Variants in RAD51B observed in about 807,000 individuals in gnomAD.
RAD51B encodes the protein DNA repair protein RAD51 homolog 2.
In RAD51B, 38 loss-of-function variants were observed where a neutral mutation model predicts 42.2. That is an observed-to-expected ratio of 0.90 (90% CI 0.70 to 1.18). RAD51B has a LOEUF of 1.18. Among genes scored for constraint, RAD51B ranks in the 50% most tolerant of loss-of-function variants. The pLI is 0.00. For synonymous variants in RAD51B, 154 were observed against 145.2 expected (o/e 1.06, Z -0.43); for missense variants, 373 against 400.7 (o/e 0.93, Z 0.59).
intron 10 of RAD51B, among the ~76,000 whole-genome samples, chr14:68,470,215 A>C (rs982535917): frequency 3.3e-5 from 5 of 152,224 alleles, no homozygotes; most frequent in Admixed American, 6.5e-5. Context: ...ATGCTTGGTT[A>C]GGAGACCTCA....
At chr14:68,550,794 CA>C (rs1888515152) in intron 10 of RAD51B, among the ~76,000 whole-genome samples, 1 of 152,108 alleles carries the variant, frequency 6.6e-6, no homozygotes. Flanking sequence ...TCTAGAAAGG[CA>C]GGGGTGGGGG....
At chr14:68,262,383 TC>T (rs1317560518) in intron 7 of RAD51B, among the ~76,000 whole-genome samples, 1 of 152,180 alleles carries the variant, frequency 6.6e-6, no homozygotes, top group Non-Finnish European at 1.5e-5. Flanking sequence ...GGCATTCCCT[TC>T]CCCTCTTCTC....
downstream of RAD51B, among the ~76,000 whole-genome samples, chr14:68,613,352 A>G (rs138616842): frequency 1.0e-2 from 1,513 of 151,740 alleles, 19 homozygotes; most frequent in African/African-American, 0.034. Context: ...CAGGAGGTGG[A>G]GGTTGCAGTG....
intron 7 of RAD51B, among the ~76,000 whole-genome samples, chr14:67,977,191 A>T (rs1460862217): frequency 6.6e-6 from 1 of 152,226 alleles, no homozygotes; most frequent in Non-Finnish European, 1.5e-5. Context: ...ATTTTCTGAC[A>T]GCAAAATCCT....
intron 7 of RAD51B, among the ~76,000 whole-genome samples, chr14:68,218,656 A>G (rs1476871890): frequency 1.3e-5 from 2 of 152,272 alleles, no homozygotes; most frequent in Non-Finnish European, 2.9e-5. Context: ...TTTAGAGATG[A>G]AAAACACATA....
At chr14:68,169,218 G>A (rs1316718923) in intron 7 of RAD51B, among the ~76,000 whole-genome samples, 2 of 152,032 alleles carry the variant, frequency 1.3e-5, no homozygotes, top group Non-Finnish European at 2.9e-5. Flanking sequence ...TGCTACCCTG[G>A]GAGAAGCATG....
At chr14:67,937,880 G>C (rs1480114450) in intron 7 of RAD51B, among the ~76,000 whole-genome samples, 1 of 152,150 alleles carries the variant, frequency 6.6e-6, no homozygotes, top group East Asian at 1.9e-4. Flanking sequence ...GCAAGTTACA[G>C]GCACAGGTAA....
intron 11 of RAD51B, among the ~76,000 whole-genome samples, chr14:68,655,155 G>C (rs1892785987): frequency 6.6e-6 from 1 of 151,240 alleles, no homozygotes; most frequent in Non-Finnish European, 1.5e-5. Flanking sequence ...GTGTGTGTAT[G>C]TGTGTGCGCC....
intron 7 of RAD51B, among the ~76,000 whole-genome samples, chr14:68,189,819 C>T (rs1403050137): frequency 6.6e-6 from 1 of 152,030 alleles, no homozygotes; most frequent in Non-Finnish European, 1.5e-5. Flanking sequence ...GCACCCACCA[C>T]CATGCCCGAC....
intron 7 of RAD51B, among the ~76,000 whole-genome samples, chr14:67,915,620 A>C (rs917733991): frequency 3.9e-5 from 6 of 152,152 alleles, no homozygotes; most frequent in Admixed American, 3.9e-4. Flanking sequence ...CTTTAAAGAC[A>C]CTTGAAAGGG....
chr14:68,139,624 G>C (rs2078083189), intron 7 of RAD51B, among the ~76,000 whole-genome samples: 1 of 152,204 alleles, frequency 6.6e-6, no homozygotes. Context: ...TCTTAGCAGA[G>C]TACTTGATTC....
downstream of RAD51B, among the ~76,000 whole-genome samples, chr14:68,479,410 A>G (rs902177781): frequency 3.3e-5 from 5 of 152,124 alleles, no homozygotes; most frequent in Non-Finnish European, 7.4e-5. Context: ...CCTCTCCTGA[A>G]GCAGGTTGTA....
intron 10 of RAD51B, among the ~76,000 whole-genome samples, chr14:68,619,791 C>G (rs1465179079): frequency 6.6e-6 from 1 of 152,228 alleles, no homozygotes; most frequent in Non-Finnish European, 1.5e-5. Context: ...TGTGAAAACC[C>G]ATTAAACGTA....
chr14:68,083,065 A>G (rs1028918744), intron 7 of RAD51B, among the ~76,000 whole-genome samples: 1 of 152,184 alleles, frequency 6.6e-6, no homozygotes, highest in African/African-American at 2.4e-5. Context: ...CTGTGATTTC[A>G]GTTATTGTGA....
chr14:67,846,790 TCTC>T (rs1189923654), intron 4 of RAD51B, among the ~76,000 whole-genome samples: 4 of 152,224 alleles, frequency 2.6e-5, no homozygotes, highest in African/African-American at 4.8e-5. Flanking sequence ...ATTTGACAGT[TCTC>T]CTAAGGCTAA....
At chr14:68,628,758 T>A (rs532704654) in intron 10 of RAD51B, among the ~76,000 whole-genome samples, 2 of 152,100 alleles carry the variant, frequency 1.3e-5, no homozygotes, top group East Asian at 3.9e-4. Context: ...AAGTAAACAT[T>A]GGAAAGTGGG....
At chr14:68,402,856 G>A (rs904660415) in intron 8 of RAD51B, among the ~76,000 whole-genome samples, 1 of 152,172 alleles carries the variant, frequency 6.6e-6, no homozygotes, top group Admixed American at 6.5e-5. Flanking sequence ...CATGGATGAG[G>A]AAACTGAGGC....
chr14:68,279,674 A>AT lies in RAD51B; in HGVS notation c.757-12202dup, dbSNP rs1257779345. 5.3e-5 allele frequency among the ~76,000 whole-genome samples: 8 copies of AT among 152,068 alleles called. No homozygotes were observed. In the South Asian group the frequency reaches 8.3e-4, roughly 16 times the overall value. On this transcript the variant is annotated intron_variant, in intron 7 of 10. Coordinates refer to ENST00000471583, the MANE Select transcript of RAD51B (RefSeq NM_133510.4). ...TTCCCAAATATATTAAGAATTAATT[A>AT]TTTTTTTTCTTATTTAGCACTACCA... is the stretch of plus-strand genomic sequence containing the variant.
rs115264872 is a variant in RAD51B at position 68,582,568 on chromosome 14, G to A, written c.1037-11917G>A. ...TACACTGTTGATGGGAGTATAATTC[G>A]TCCAACCATTGTGGAAGACAGTGTG... On this transcript the variant is annotated intron_variant, in intron 10 of 10. Coordinates refer to the RAD51B transcript ENST00000487270. Among the ~76,000 whole-genome samples, 373 of 152,262 alleles carry A rather than the reference G, an allele frequency of 2.4e-3. 2 individuals are homozygous for A. Among genetic ancestry groups the A allele is most frequent in the African/African-American group, 8.6e-3 (359 of 41,568 alleles).
Sources: gnomAD v4.1 joint callset for allele counts (sites outside exome capture counted in the v4.1 genomes callset) on GRCh38, gnomAD v4.1.1 for gene constraint, MANE v1.5 for transcripts, NCBI Gene and HGNC (gene_info 2026-07-23, HGNC 2026-07-21) for gene names.